Variants in ANKRD44 observed in about 807,000 individuals in gnomAD.
ANKRD44 encodes the protein serine/threonine-protein phosphatase 6 regulatory ankyrin repeat subunit B.
Under a neutral mutation model 116.0 loss-of-function variants are expected in ANKRD44, and 35 were observed. The ratio of observed to expected loss-of-function variants is 0.30; its 90% confidence interval spans 0.23 to 0.40. ANKRD44 has a LOEUF of 0.40. Among genes scored for constraint, ANKRD44 ranks in the 10% least tolerant of loss-of-function variants. The pLI is 1.00. For missense variants in ANKRD44, 1,014 were observed against 1,242.6 expected (o/e 0.82, Z 2.77); for synonymous variants, 435 against 461.8 (o/e 0.94, Z 0.74).
intron 1 of ANKRD44, among the ~76,000 whole-genome samples, chr2:197,188,650 AC>A (rs1397054764): frequency 1.3e-5 from 2 of 152,226 alleles, no homozygotes; most frequent in Non-Finnish European, 2.9e-5. Flanking sequence ...CTCTAACCAG[AC>A]AACCCTACAT....
chr2:197,142,909 A>G (rs55708518), intron 3 of ANKRD44, among the ~76,000 whole-genome samples: 1,551 of 152,014 alleles, frequency 0.01, 31 homozygotes, highest in African/African-American at 0.034. Context: ...AGAGGCCAAG[A>G]TGGGAGGATC....
Position 197,222,536 on chromosome 2 carries a change from C to G in ANKRD44, c.28-35430G>C, listed in dbSNP as rs143773526. Among the ~76,000 whole-genome samples the G allele has an allele frequency of 3.6e-3, 549 of 152,304 alleles. 1 individual carries two copies. The highest frequency in any genetic ancestry group is 5.8e-3 in the Non-Finnish European group (393 of 68,010). ...CTCGCCCAAGGACACATCCTCTCTT[C>G]TCTGTTTTCCCCTTGTTGGTTTTTC... On this transcript the variant is annotated intron_variant, in intron 1 of 27. Transcript: ENST00000282272.
chr2:197,094,069 T>C (rs1218662550), intron 10 of ANKRD44, among the ~76,000 whole-genome samples: 1 of 152,182 alleles, frequency 6.6e-6, no homozygotes, highest in Non-Finnish European at 1.5e-5. Context: ...AGAGAGCTAT[T>C]AGAAATGAAG....
At chr2:197,284,500 T>TCAAA (rs1426657762) in intron 1 of ANKRD44, among the ~76,000 whole-genome samples, 2 of 102,518 alleles carry the variant, frequency 2.0e-5, no homozygotes, top group Non-Finnish European at 3.9e-5. Flanking sequence ...CAACAGAGAG[T>TCAAA]CAAACACACA....
intron 16 of ANKRD44, among the ~76,000 whole-genome samples, chr2:197,058,545 G>C (rs1220275691): frequency 6.6e-5 from 10 of 152,084 alleles, no homozygotes; most frequent in Admixed American, 6.5e-4. Flanking sequence ...GATGTCAGCT[G>C]TCCTAATTTT....
chr2:196,977,665 A>G (rs2075770257), intron 21 of ANKRD44, among the ~76,000 whole-genome samples: 1 of 152,216 alleles, frequency 6.6e-6, no homozygotes, highest in Non-Finnish European at 1.5e-5. Context: ...CACATCTACT[A>G]GGATGGCCAT....
At chr2:197,033,065 G>A (rs1009287833) in intron 16 of ANKRD44, among the ~76,000 whole-genome samples, 4 of 152,174 alleles carry the variant, frequency 2.6e-5, no homozygotes, top group African/African-American at 9.7e-5. Context: ...AGAGAGATCT[G>A]GGATAGAGTT....
chr2:197,280,773 C>T (rs1376421224), intron 1 of ANKRD44, among the ~76,000 whole-genome samples: 1 of 152,130 alleles, frequency 6.6e-6, no homozygotes, highest in African/African-American at 2.4e-5. Flanking sequence ...AATGAACAGA[C>T]CTCTTTCACC....
intron 2 of ANKRD44, among the ~76,000 whole-genome samples, chr2:197,162,380 T>C (rs2125502668): frequency 6.6e-6 from 1 of 152,304 alleles, no homozygotes; most frequent in South Asian, 2.1e-4. Context: ...TTCTAAGAAT[T>C]GGTATTTCCT....
chr2:197,148,295 G>A (rs546507219), intron 2 of ANKRD44, among the ~76,000 whole-genome samples: 1 of 152,294 alleles, frequency 6.6e-6, no homozygotes, highest in South Asian at 2.1e-4. Context: ...TATCCCCATA[G>A]TAGCAGCATA....
At chr2:197,268,710 G>A (rs2082805954) in intron 1 of ANKRD44, among the ~76,000 whole-genome samples, 1 of 152,174 alleles carries the variant, frequency 6.6e-6, no homozygotes, top group South Asian at 2.1e-4. Flanking sequence ...GAGGGGGTCT[G>A]TATGTCTGCA....
At chr2:197,195,539 T>C (rs1293563804) in intron 1 of ANKRD44, among the ~76,000 whole-genome samples, 1 of 152,220 alleles carries the variant, frequency 6.6e-6, no homozygotes, top group African/African-American at 2.4e-5. Context: ...TTTTTGGTTC[T>C]TTAATGTCTG....
chr2:197,155,636 G>T (rs947199247), intron 2 of ANKRD44, among the ~76,000 whole-genome samples: 34 of 151,988 alleles, frequency 2.2e-4, no homozygotes, highest in African/African-American at 8.2e-4. Flanking sequence ...TTAAACTTTG[G>T]GCCATACCTT....
At chr2:197,013,956 C>T (rs2125922576) in intron 17 of ANKRD44, among the ~76,000 whole-genome samples, 1 of 152,336 alleles carries the variant, frequency 6.6e-6, no homozygotes, top group Non-Finnish European at 1.5e-5. Context: ...ACATAATTTG[C>T]TCCAAAGACA....
rs542271837 is a variant in ANKRD44, at chr2:197,266,820, C to T, written c.27+43758G>A. On this transcript the variant is annotated intron_variant, in intron 1 of 27. Transcript: ENST00000282272. ...CATTCATAGAGTCAGTTTTGAGCAT[C>T]TGAGAAATAATCTCTTCCATTTAAT... Among the ~76,000 whole-genome samples, 5 of 152,200 alleles carry T rather than the reference C, an allele frequency of 3.3e-5. No individual in the cohort carries two copies. In the South Asian group the frequency reaches 1.0e-3, roughly 32 times the overall value.
At chr2:197,036,025 A>G (rs2076800080) in intron 16 of ANKRD44, among the ~76,000 whole-genome samples, 1 of 152,154 alleles carries the variant, frequency 6.6e-6, no homozygotes, top group Non-Finnish European at 1.5e-5. Flanking sequence ...CCAAGGTGGC[A>G]TATCTGTAGC....
Position 196,976,074 on chromosome 2 carries a change from T to C in ANKRD44, c.2369-8628A>G, listed in dbSNP as rs1026039504. 4.6e-5 allele frequency among the ~76,000 whole-genome samples: 7 copies of C among 152,062 alleles called. No homozygotes were observed. The East Asian group carries it at 1.2e-3, about 25-fold the overall frequency. ...ATAAAAACACTCGAGAAACTAGAAA[T>C]AGAAAAAATTTCTTCAAACTGATCA... is the stretch of plus-strand genomic sequence containing the variant. On this transcript the variant is annotated intron_variant, in intron 21 of 21. Transcript: ENST00000424317.
chr2:197,010,475 C>T (rs943628131), intron 18 of ANKRD44, among the ~76,000 whole-genome samples: 17 of 152,130 alleles, frequency 1.1e-4, no homozygotes, highest in African/African-American at 1.7e-4. Context: ...GGCCCCCATG[C>T]GGGGCAGGCC....
At chr2:197,175,396 T>A (rs2080341581) in intron 2 of ANKRD44, among the ~76,000 whole-genome samples, 1 of 152,172 alleles carries the variant, frequency 6.6e-6, no homozygotes, top group Non-Finnish European at 1.5e-5. Context: ...CAATCCTGCA[T>A]GTGTGTTTTC....
Sources: allele counts gnomAD v4.1 joint callset (sites outside exome capture counted in the v4.1 genomes callset), GRCh38; gene constraint gnomAD v4.1.1; transcripts MANE v1.5; gene names NCBI Gene and HGNC (gene_info 2026-07-23, HGNC 2026-07-21).